The following TGFB1I1 variants were observed in gnomAD, a reference collection of about 807,000 sequenced individuals.
TGFB1I1 encodes the protein transforming growth factor beta 1 induced transcript 1.
In TGFB1I1, 33 loss-of-function variants were observed where a neutral mutation model predicts 52.0. The ratio of observed to expected loss-of-function variants is 0.63; its 90% CI spans 0.48 to 0.85. The LOEUF is 0.85. Among genes scored for constraint, TGFB1I1 ranks in the 40% least tolerant of loss-of-function variants. The pLI, the probability that TGFB1I1 is intolerant of heterozygous loss-of-function variation, is 0.00. For synonymous variants in TGFB1I1, 236 were observed against 253.3 expected (o/e 0.93, Z 0.65); for missense variants, 577 against 614.9 (o/e 0.94, Z 0.65).
In TGFB1I1 at chr16:31,473,487, G is replaced by T. The variant is rs758235388; in HGVS notation, c.60G>T (p.Arg20Ser). The T allele has an allele frequency of 6.2e-7, 1 of 1,613,882 alleles. No individual in the cohort carries two copies. Among genetic ancestry groups the T allele is most frequent in the Admixed American group, 1.7e-5 (1 of 60,020 alleles). The change falls in exon 2 of 11, where the codon AGG becomes AGT. Residue 20 changes from arginine to serine, a missense_variant. Coordinates refer to ENST00000394863, the MANE Select transcript of TGFB1I1 (RefSeq NM_001042454.3). ...DLETTTSHMP[R>S]SGAPKERPAE... ...AGACTACCACCTCGCACATGCCAAG[G>T]TCAGGGGCTCCCAAAGAGCGCCCTG...
At position 31,476,623 on chromosome 16, in the gene TGFB1I1, C is replaced by T. The variant is rs1466275263; in HGVS notation, c.970+61C>T. The T allele has an allele frequency of 1.9e-6, 3 of 1,546,086 alleles. No individual in the cohort carries two copies. Among genetic ancestry groups the T allele is most frequent in the African/African-American group, 1.4e-5 (1 of 74,002 alleles). ...GGGTCCCCTCGACGTCTCGCCCCAG[C>T]CCCTCCGACCTCCGGAGTCCTCAGG... On this transcript the variant is annotated intron_variant, in intron 9 of 10. Coordinates refer to ENST00000394863, the MANE Select transcript of TGFB1I1 (RefSeq NM_001042454.3). The surrounding 1 kb of genome is among the most constrained non-coding windows in gnomAD (Gnocchi z 7.6).
rs958500092 is a variant in TGFB1I1, at chr16:31,477,093, G to C, written c.1119+83G>C. The C allele has an allele frequency of 1.5e-5, 21 of 1,422,678 alleles. No homozygotes were observed. In the East Asian group the frequency reaches 5.3e-4, roughly 36 times the overall value. The allele number at this position is 1,422,678 out of a possible 1,614,324, so 88.1% of individuals were successfully genotyped here. ...CGGGGCCTTGGAGGGGCGGGTCAAG[G>C]GTGCAGGGCAGGGGGCGGGCCCTCG... On this transcript the variant is annotated intron_variant, in intron 10 of 10. Coordinates refer to ENST00000394863, the MANE Select transcript of TGFB1I1 (RefSeq NM_001042454.3). This position sits in a 1 kb window ranked among gnomAD's most constrained non-coding sequence, Gnocchi z 4.7.
chr16:31,477,706 ATGAGTCCTC>A lies in TGFB1I1; in HGVS notation c.*131_*139del, dbSNP rs1409059247. ...TGGAGAGCCCCGCCCCTAAGGTACT[ATGAGTCCTC>A]AGGGGTCAAGTTCAGAAACGGCCCA... On this transcript the variant is annotated 3_prime_UTR_variant, in exon 11 of 11. Coordinates refer to ENST00000394863, the MANE Select transcript of TGFB1I1 (RefSeq NM_001042454.3). The surrounding 1 kb of genome is among the most constrained non-coding windows in gnomAD (Gnocchi z 4.7). The A allele has an allele frequency of 7.9e-7, 1 of 1,265,954 alleles. No homozygotes were observed. The highest frequency in any genetic ancestry group is 1.1e-6 in the Non-Finnish European group (1 of 945,404). 78.4% of individuals were successfully genotyped at this position (1,265,954 alleles called of 1,614,324 possible).
Position 31,477,532 on chromosome 16 carries a change from G to A in TGFB1I1, c.1342G>A (p.Gly448Ser). ...LTKGSFQERAGKPYCQPCFLK... is the reference protein window; with the variant it reads ...LTKGSFQERASKPYCQPCFLK... ...CAAGGGGTCCTTCCAGGAGCGCGCC[G>A]GCAAGCCCTACTGCCAGCCCTGCTT... Residue 448 changes from glycine to serine, a missense_variant, in exon 11 of 11, where the codon GGC (glycine) becomes AGC (serine). Gly to Ser is a moderately conservative substitution (Grantham distance 56, BLOSUM62 0). This residue lies in a region of TGFB1I1 where 456 missense variants were observed against 461.6 expected (regional missense o/e 0.99). Coordinates refer to ENST00000394863, the MANE Select transcript of TGFB1I1 (RefSeq NM_001042454.3). This position sits in a 1 kb window ranked among gnomAD's most constrained non-coding sequence, Gnocchi z 4.7. The A allele has an allele frequency of 6.2e-7, 1 of 1,609,446 alleles. No homozygotes were observed. The highest frequency in any genetic ancestry group is 8.5e-7 in the Non-Finnish European group (1 of 1,178,588).
intron 1 of TGFB1I1, chr16:31,472,666 G>A (rs1319318312): frequency 6.4e-6 from 1 of 155,088 alleles, no homozygotes; most frequent in African/African-American, 2.4e-5. Context: ...GAAGAGAATA[G>A]TAACTCAGGA....
Position 31,473,682 on chromosome 16 carries a change from A to G in TGFB1I1, c.130A>G (p.Thr44Ala), listed in dbSNP as rs762173980. 3.8e-6 allele frequency: 6 copies of G among 1,563,566 alleles called. No individual in the cohort carries two copies. The highest frequency in any genetic ancestry group is 5.2e-6 in the Non-Finnish European group (6 of 1,154,468). The change falls in exon 3 of 11, where the codon ACA (threonine) becomes GCA (alanine). Residue 44 changes from threonine (T) to alanine (A), a missense_variant and splice_region_variant. By Grantham distance (58) the Thr-to-Ala change is moderately conservative. Coordinates refer to ENST00000394863, the MANE Select transcript of TGFB1I1 (RefSeq NM_001042454.3). ...PPPSYGHQPQ[T>A]GSGESSGASG... ...CCACCTGTGCGTCTCCGCTCTGTAG[A>G]CAGGGTCTGGGGAGTCTTCAGGAGC...
Position 31,476,387 on chromosome 16 carries a change from C to A in TGFB1I1, c.889-94C>A, listed in dbSNP as rs1387416551. 3.0e-6 allele frequency: 4 copies of A among 1,336,200 alleles called. No individual in the cohort carries two copies. The highest frequency in any genetic ancestry group is 4.8e-5 in the East Asian group (2 of 41,318). 82.8% of individuals were successfully genotyped at this position (1,336,200 alleles called of 1,614,324 possible). ...TAGTTAGATCTTCTCCCCCTCCCCC[C>A]ACGCATGCCTTAGTCCAGTCACCCG... On this transcript the variant is annotated intron_variant, in intron 8 of 10. Coordinates refer to ENST00000394863, the MANE Select transcript of TGFB1I1 (RefSeq NM_001042454.3). The surrounding 1 kb of genome is among the most constrained non-coding windows in gnomAD (Gnocchi z 7.6).
At position 31,476,533 on chromosome 16, in the gene TGFB1I1, T is replaced by C; in HGVS notation, c.941T>C (p.Val314Ala). 2 of 1,613,520 alleles carry C rather than the reference T, an allele frequency of 1.2e-6. No homozygotes were observed. The highest frequency in any genetic ancestry group is 2.2e-5 in the South Asian group (2 of 90,814). ...TGGCACCCAGAGCATTTCTGCTGCG[T>C]CAGTTGCGGGGAGCCCTTCGGAGAT... The part of the protein sequence containing the change: ...THWHPEHFCC[V>A]SCGEPFGDEG... The change falls in exon 9 of 11, where the codon GTC (valine) becomes GCC (alanine). Residue 314 changes from valine to alanine, a missense_variant. Around this residue, in one of 3 missense-constraint regions of TGFB1I1, gnomAD observed 456 missense variants for 461.6 expected, o/e 0.99. Transcript: ENST00000394863. The surrounding 1 kb of genome is among the most constrained non-coding windows in gnomAD (Gnocchi z 7.6).
chr16:31,474,096 T>C lies in TGFB1I1; in HGVS notation c.326-56T>C. 1.9e-6 allele frequency: 3 copies of C among 1,610,804 alleles called. No homozygotes were observed. Among genetic ancestry groups the C allele is most frequent in the Non-Finnish European group, 1.7e-6 (2 of 1,177,392 alleles). ...AGTTAAAGGGACCTAAAGCCTCAAG[T>C]GTGAGGGTGCGTTGAGCATGGCCCT... On this transcript the variant is annotated intron_variant, in intron 4 of 10. Transcript: ENST00000394863. This position sits in a 1 kb window ranked among gnomAD's most constrained non-coding sequence, Gnocchi z 4.2.
chr16:31,477,304 C>G lies in TGFB1I1; in HGVS notation c.1120-6C>G. 1 of 1,600,706 alleles carries G rather than the reference C, an allele frequency of 6.2e-7. No homozygotes were observed. The highest frequency in any genetic ancestry group is 8.5e-7 in the Non-Finnish European group (1 of 1,171,636). ...TCTGTCCTCTTTCGCGGCTTCCCTT[C>G]CCCAGGAATGCTTCGCGCCCTTCTC... On this transcript the variant is annotated splice_region_variant and splice_polypyrimidine_tract_variant and intron_variant, in intron 10 of 10. Coordinates refer to ENST00000394863, the MANE Select transcript of TGFB1I1 (RefSeq NM_001042454.3). The surrounding 1 kb of genome is among the most constrained non-coding windows in gnomAD (Gnocchi z 4.7).
In TGFB1I1 at chr16:31,476,283, C is replaced by G. The variant is rs2082423015; in HGVS notation, c.888+98C>G. 2 of 1,486,132 alleles carry G rather than the reference C, an allele frequency of 1.3e-6. No individual in the cohort carries two copies. The highest frequency in any genetic ancestry group is 1.8e-6 in the Non-Finnish European group (2 of 1,101,798). The allele number at this position is 1,486,132 out of a possible 1,614,324, so 92.1% of individuals were successfully genotyped here. On this transcript the variant is annotated intron_variant, in intron 8 of 10. Coordinates refer to ENST00000394863, the MANE Select transcript of TGFB1I1 (RefSeq NM_001042454.3). The surrounding 1 kb of genome is among the most constrained non-coding windows in gnomAD (Gnocchi z 7.6). ...GGGTCCCGCCCCACCCGCGATACCCCACTCCACCCCTACCCCTTCCCCTTG... is the reference window on the plus strand; with the variant it reads ...GGGTCCCGCCCCACCCGCGATACCCGACTCCACCCCTACCCCTTCCCCTTG...
Position 31,474,668 on chromosome 16 carries a change from G to A in TGFB1I1, c.625G>A (p.Gly209Arg). The change falls in exon 7 of 11, where the codon GGG becomes AGG. Residue 209 changes from glycine to arginine, a missense_variant. Coordinates refer to ENST00000394863, the MANE Select transcript of TGFB1I1 (RefSeq NM_001042454.3). This position sits in a 1 kb window ranked among gnomAD's most constrained non-coding sequence, Gnocchi z 4.2. ...TGKGSLDTML[G>R]LLQSDLSRRG... is the part of the protein sequence containing the mutation. ...CAAGGGCAGCCTAGACACCATGCTG[G>A]GGCTGCTGCAGTCCGACCTCAGCCG... 6.2e-7 allele frequency: 1 copy of A among 1,613,340 alleles called. No homozygotes were observed. Among genetic ancestry groups the A allele is most frequent in the African/African-American group, 1.3e-5 (1 of 75,042 alleles).
At chr16:31,473,170 T>G in intron 1 of TGFB1I1, 2 of 1,219,868 alleles carry the variant, frequency 1.6e-6, no homozygotes, top group Non-Finnish European at 2.1e-6. Context: ...TTGGCTTGGG[T>G]GAAGAGCCCA....
At position 31,477,829 on chromosome 16, in the gene TGFB1I1, G is replaced by A; in HGVS notation, c.*253G>A. ...CTCCACTCTATTCCCACCCTTGAGGGAGCCCCCTTACTGGGGGAGGGTCCT... is the reference window on the plus strand; with the variant it reads ...CTCCACTCTATTCCCACCCTTGAGGAAGCCCCCTTACTGGGGGAGGGTCCT... On this transcript the variant is annotated 3_prime_UTR_variant, in exon 11 of 11. Coordinates refer to ENST00000394863, the MANE Select transcript of TGFB1I1 (RefSeq NM_001042454.3). This position sits in a 1 kb window ranked among gnomAD's most constrained non-coding sequence, Gnocchi z 4.7. 1 of 524,942 alleles carries A rather than the reference G, an allele frequency of 1.9e-6. No homozygotes were observed. Among genetic ancestry groups the A allele is most frequent in the Middle Eastern group, 4.9e-4 (1 of 2,028 alleles). 32.5% of individuals were successfully genotyped at this position (524,942 alleles called of 1,614,324 possible).
chr16:31,477,235 T>C lies in TGFB1I1; in HGVS notation c.1120-75T>C. The C allele has an allele frequency of 6.5e-7, 1 of 1,539,054 alleles. No individual in the cohort carries two copies. The highest frequency in any genetic ancestry group is 8.8e-7 in the Non-Finnish European group (1 of 1,138,256). On this transcript the variant is annotated intron_variant, in intron 10 of 10. Coordinates refer to ENST00000394863, the MANE Select transcript of TGFB1I1 (RefSeq NM_001042454.3). The surrounding 1 kb of genome is among the most constrained non-coding windows in gnomAD (Gnocchi z 4.7). ...GGCGGGCTGCGGGGTCCCAGGGCGTTATCCGCTAGTAACGCGCGTTGTCTG... is the reference window on the plus strand; with the variant it reads ...GGCGGGCTGCGGGGTCCCAGGGCGTCATCCGCTAGTAACGCGCGTTGTCTG...
In TGFB1I1 at chr16:31,476,469, C is replaced by A. The variant is rs2082424328; in HGVS notation, c.889-12C>A. ...ACGGAGGCCGCGCTGAGTGCCCTCTCCCTCCCTGCAGAAGATGGTGACCGC... is the reference window on the plus strand; with the variant it reads ...ACGGAGGCCGCGCTGAGTGCCCTCTACCTCCCTGCAGAAGATGGTGACCGC... On this transcript the variant is annotated splice_polypyrimidine_tract_variant and intron_variant, in intron 8 of 10. Transcript: ENST00000394863. The surrounding 1 kb of genome is among the most constrained non-coding windows in gnomAD (Gnocchi z 7.6). 3 of 1,610,070 alleles carry A rather than the reference C, an allele frequency of 1.9e-6. No homozygotes were observed. The highest frequency in any genetic ancestry group is 2.5e-6 in the Non-Finnish European group (3 of 1,178,666).
rs1452515482 is a variant in TGFB1I1, at chr16:31,473,590, T to A, written c.129+34T>A. 10 of 1,612,292 alleles carry A rather than the reference T, an allele frequency of 6.2e-6. No homozygotes were observed. The East Asian group carries it at 2.0e-4, about 32-fold the overall frequency. ...GGATGTTGGGGACTGGGGCAGCCAC[T>A]AGGGCCAGGCTCGGCCTGGTCTATG... On this transcript the variant is annotated intron_variant, in intron 2 of 10. Coordinates refer to ENST00000394863, the MANE Select transcript of TGFB1I1 (RefSeq NM_001042454.3).
rs1310763010 is a variant in TGFB1I1, at chr16:31,476,060, G to A, written c.763G>A (p.Gly255Arg). The change falls in exon 8 of 11, where the codon GGA becomes AGA. Residue 255 changes from glycine to arginine, a missense_variant. This residue lies in a region of TGFB1I1 where 456 missense variants were observed against 461.6 expected (regional missense o/e 0.99). Coordinates refer to ENST00000394863, the MANE Select transcript of TGFB1I1 (RefSeq NM_001042454.3). This position sits in a 1 kb window ranked among gnomAD's most constrained non-coding sequence, Gnocchi z 7.6. ...RAWHPEHFVC[G>R]GCSTALGGSS... ...CTGGCACCCCGAGCACTTCGTTTGCGGAGGCTGTTCCACCGCCCTGGGAGG... is the reference window on the plus strand; with the variant it reads ...CTGGCACCCCGAGCACTTCGTTTGCAGAGGCTGTTCCACCGCCCTGGGAGG... The A allele has an allele frequency of 6.2e-7, 1 of 1,613,716 alleles. No individual in the cohort carries two copies. Among genetic ancestry groups the A allele is most frequent in the East Asian group, 2.2e-5 (1 of 44,870 alleles).
At chr16:31,472,525 G>C (rs1201844652) in intron 1 of TGFB1I1, 1 of 309,028 alleles carries the variant, frequency 3.2e-6, no homozygotes, top group Non-Finnish European at 5.9e-6. Flanking sequence ...CGGGGACCGG[G>C]AAAGTAGAGG....
Sources: allele counts gnomAD v4.1 joint callset, GRCh38; gene constraint gnomAD v4.1.1; regional missense constraint gnomAD v4.1.1; non-coding constraint Gnocchi (gnomAD v3.1); transcripts MANE v1.5; gene names NCBI Gene and HGNC (gene_info 2026-07-23, HGNC 2026-07-21).